Variants in MAGI1 observed in about 807,000 individuals in gnomAD.
MAGI1 encodes membrane-associated guanylate kinase, WW and PDZ domain-containing protein 1.
MAGI1 carries 58 observed loss-of-function variants against 139.9 expected under a neutral mutation model. The observed-to-expected ratio is 0.41, with a 90% confidence interval of 0.34 to 0.52. The LOEUF is 0.52. Ranked by LOEUF, MAGI1 falls within the 20% of genes least tolerant of loss-of-function variation. The pLI is 0.12. For synonymous variants in MAGI1, 812 were observed against 737.9 expected, an observed-to-expected ratio of 1.10 and a Z score of -1.63; for missense variants, 1,874 against 1,901.6, an observed-to-expected ratio of 0.99 and a Z score of 0.27.
At chr3:65,758,242 G>T (rs2036715852) in intron 1 of MAGI1, among the ~76,000 whole-genome samples, 1 of 152,194 alleles carries the variant, frequency 6.6e-6, no homozygotes, top group Admixed American at 6.5e-5. Flanking sequence ...ACATAAAGCG[G>T]AGCATCTGGG....
At chr3:65,836,140 A>C in intron 1 of MAGI1, among the ~76,000 whole-genome samples, 1 of 152,210 alleles carries the variant, frequency 6.6e-6, no homozygotes, top group East Asian at 1.9e-4. Flanking sequence ...GTCAGACCAA[A>C]GATGGAAGGG....
chr3:65,960,609 A>G (rs2064376098), intron 1 of MAGI1, among the ~76,000 whole-genome samples: 1 of 152,220 alleles, frequency 6.6e-6, no homozygotes, highest in Non-Finnish European at 1.5e-5. Context: ...GCGTAATCCT[A>G]ATTTAATTAT....
rs935920279 is a variant in MAGI1 at position 65,549,580 on chromosome 3, C to T, written c.431-55949G>A. ...CCAGGGTGTCCCCAGCCCGCTCGGG[C>T]GGCAGCGGCGTCAATGCGCGCTATT... is the stretch of plus-strand genomic sequence containing the variant. On this transcript the variant is annotated intron_variant, in intron 2 of 22. Coordinates refer to ENST00000402939, the MANE Select transcript of MAGI1 (RefSeq NM_001033057.2). 1.2e-5 allele frequency: 8 copies of T among 649,984 alleles called. No homozygotes were observed. The Admixed American group carries it at 1.9e-4, about 15-fold the overall frequency. The allele number at this position is 649,984 out of a possible 1,614,324, so 40.3% of individuals were successfully genotyped here. A position where few individuals can be genotyped will look rare whatever the true frequency, so the allele number is the denominator to read the frequency against.
chr3:65,795,877 C>T (rs2040102192), intron 1 of MAGI1, among the ~76,000 whole-genome samples: 2 of 151,742 alleles, frequency 1.3e-5, no homozygotes, highest in South Asian at 4.2e-4. Context: ...ATGGTGAAAC[C>T]CCGTCTCTAC....
chr3:65,836,900 A>T (rs1237880056), intron 1 of MAGI1, among the ~76,000 whole-genome samples: 1 of 152,186 alleles, frequency 6.6e-6, no homozygotes, highest in Non-Finnish European at 1.5e-5. Context: ...AAAACACCAC[A>T]CCTGCAATCA....
chr3:65,808,642 A>C (rs1464116391), intron 1 of MAGI1, among the ~76,000 whole-genome samples: 7 of 152,206 alleles, frequency 4.6e-5, no homozygotes, highest in African/African-American at 1.7e-4. Context: ...GCAGGAACTG[A>C]CACAAGTTAC....
chr3:65,822,319 G>A (rs1008726349), intron 1 of MAGI1, among the ~76,000 whole-genome samples: 2 of 152,180 alleles, frequency 1.3e-5, no homozygotes, highest in Non-Finnish European at 2.9e-5. Context: ...CTTGAGGTCA[G>A]AAGTTTGAGA....
At chr3:65,731,282 T>G (rs1428548312) in intron 1 of MAGI1, among the ~76,000 whole-genome samples, 2 of 152,158 alleles carry the variant, frequency 1.3e-5, no homozygotes, top group Admixed American at 6.5e-5. Flanking sequence ...ATTTTCGTGC[T>G]ATGGCTAAAA....
At chr3:65,625,274 G>T (rs899058337) in intron 1 of MAGI1, among the ~76,000 whole-genome samples, 15 of 152,154 alleles carry the variant, frequency 9.9e-5, no homozygotes, top group African/African-American at 2.4e-4. Flanking sequence ...TTATATGTAA[G>T]CTATACCAAT....
chr3:65,780,792 T>C (rs551174086), intron 1 of MAGI1, among the ~76,000 whole-genome samples: 2 of 152,280 alleles, frequency 1.3e-5, no homozygotes, highest in South Asian at 4.2e-4. Flanking sequence ...AGGGGGTTGA[T>C]GAGAAGGAAA....
At chr3:65,740,798 A>G (rs2035196394) in intron 1 of MAGI1, among the ~76,000 whole-genome samples, 1 of 152,250 alleles carries the variant, frequency 6.6e-6, no homozygotes, top group African/African-American at 2.4e-5. Flanking sequence ...TTTAAGGCAC[A>G]TAGTGCTAAG....
intron 1 of MAGI1, among the ~76,000 whole-genome samples, chr3:65,699,300 A>C (rs1371195430): frequency 1.4e-5 from 2 of 138,894 alleles, no homozygotes; most frequent in African/African-American, 2.9e-5. Context: ...TAGTTCAACC[A>C]TTGTGGAAGT....
chr3:65,687,560 A>T (rs1185179540), intron 1 of MAGI1: 2 of 375,244 alleles, frequency 5.3e-6, no homozygotes, highest in Non-Finnish European at 1.1e-5. Context: ...TGTGATTGAC[A>T]ATCTGTGGCT....
Position 65,361,327 on chromosome 3 carries a change from T to C in MAGI1, c.3506A>G (p.Glu1169Gly). The change falls in exon 22 of 23, where the codon GAA (glutamate) becomes GGA (glycine). Residue 1169 changes from glutamate (E) to glycine (G), a missense_variant. Coordinates refer to ENST00000402939, the MANE Select transcript of MAGI1 (RefSeq NM_001033057.2). ...GGTCTCACCATTGATCTCTAAAATT[T>C]CATCACCAATCTGCCAAAGCAAAAG... ...ERCGKMRIGD[E>G]ILEINGETTK... 3 of 1,613,666 alleles carry C rather than the reference T, an allele frequency of 1.9e-6. No individual in the cohort carries two copies. The highest frequency in any genetic ancestry group is 2.5e-6 in the Non-Finnish European group (3 of 1,179,692).
chr3:65,743,022 G>T (rs765320620), intron 1 of MAGI1, among the ~76,000 whole-genome samples: 15 of 151,828 alleles, frequency 9.9e-5, no homozygotes, highest in Non-Finnish European at 1.8e-4. Context: ...TCTATCAATT[G>T]CTTAAAAAAA....
intron 1 of MAGI1, among the ~76,000 whole-genome samples, chr3:65,678,191 G>A (rs1241734181): frequency 2.6e-5 from 4 of 152,106 alleles, no homozygotes; most frequent in African/African-American, 9.7e-5. Flanking sequence ...AGCTAGGGGA[G>A]GGATAGCATT....
intron 2 of MAGI1, among the ~76,000 whole-genome samples, chr3:65,592,924 T>A (rs1053244778): frequency 2.6e-5 from 4 of 152,154 alleles, no homozygotes; most frequent in African/African-American, 7.2e-5. Flanking sequence ...TGGGTTCTAA[T>A]ACAAGCTACA....
At chr3:65,656,551 A>T (rs1400225694) in intron 1 of MAGI1, among the ~76,000 whole-genome samples, 2 of 151,854 alleles carry the variant, frequency 1.3e-5, no homozygotes, top group Non-Finnish European at 2.9e-5. Flanking sequence ...ACAACATCAA[A>T]GGAAAAAGAA....
intron 1 of MAGI1, among the ~76,000 whole-genome samples, chr3:65,810,428 C>T (rs1254466594): frequency 6.6e-6 from 1 of 152,230 alleles, no homozygotes; most frequent in African/African-American, 2.4e-5. Context: ...TTAAGACAGA[C>T]TGTTAAATGA....
Sources: allele counts gnomAD v4.1 joint callset (sites outside exome capture counted in the v4.1 genomes callset), GRCh38; gene constraint gnomAD v4.1.1; transcripts MANE v1.5; gene names NCBI Gene and HGNC (gene_info 2026-07-23, HGNC 2026-07-21).